The following RPS6KC1 variants were observed in gnomAD, a reference collection of about 807,000 sequenced individuals.
The protein encoded by RPS6KC1 is inactive ribosomal protein S6 kinase delta-1.
Under a neutral mutation model 103.8 loss-of-function variants are expected in RPS6KC1, and 54 were observed. The ratio of observed to expected loss-of-function variants is 0.52; its 90% CI spans 0.42 to 0.65. RPS6KC1 has a LOEUF of 0.65. Among genes scored for constraint, RPS6KC1 ranks in the 30% least tolerant of loss-of-function variants. The pLI is 0.00. For synonymous variants in RPS6KC1, 439 were observed against 438.7 expected (o/e 1.00, Z -0.01); for missense variants, 1,151 against 1,253.8 (o/e 0.92, Z 1.24).
chr1:213,732,224 G>A, the RPS6KC1 span, among the ~76,000 whole-genome samples: 1 of 152,162 alleles, frequency 6.6e-6, no homozygotes, highest in African/African-American at 2.4e-5. Flanking sequence ...TGATGGGGAA[G>A]GAGGAGAGGA....
At chr1:213,093,262 G>A (rs2081153135) in intron 3 of RPS6KC1, among the ~76,000 whole-genome samples, 2 of 150,644 alleles carry the variant, frequency 1.3e-5, no homozygotes, top group Non-Finnish European at 3.0e-5. Context: ...CCAGGCTGGA[G>A]TGCAGTGGCG....
At chr1:213,300,466 G>C in the RPS6KC1 span, among the ~76,000 whole-genome samples, 1 of 152,172 alleles carries the variant, frequency 6.6e-6, no homozygotes, top group Non-Finnish European at 1.5e-5. Flanking sequence ...AATGCAACCT[G>C]CCACACCCTC....
chr1:213,766,982 A>C, the RPS6KC1 span, among the ~76,000 whole-genome samples: 25 of 152,054 alleles, frequency 1.6e-4, no homozygotes, highest in East Asian at 4.6e-3. Flanking sequence ...TCACCTTTTC[A>C]TAGCTCCTCA....
the RPS6KC1 span, among the ~76,000 whole-genome samples, chr1:213,469,634 A>C: frequency 6.6e-6 from 1 of 152,196 alleles, no homozygotes; most frequent in Non-Finnish European, 1.5e-5. Context: ...CCAAGCCCTG[A>C]CATCATGTGA....
At chr1:213,627,761 C>T in the RPS6KC1 span, among the ~76,000 whole-genome samples, 1 of 152,196 alleles carries the variant, frequency 6.6e-6, no homozygotes, top group Non-Finnish European at 1.5e-5. Context: ...CCTTGCATCC[C>T]AGGCATGAAG....
chr1:213,355,038 T>A, the RPS6KC1 span, among the ~76,000 whole-genome samples: 1,242 of 152,138 alleles, frequency 8.2e-3, 12 homozygotes, highest in African/African-American at 0.028. Context: ...GCCAACATGG[T>A]GAAACCCTGC....
chr1:213,659,638 T>G, the RPS6KC1 span, among the ~76,000 whole-genome samples: 5 of 133,678 alleles, frequency 3.7e-5, no homozygotes, highest in Admixed American at 1.4e-4. Flanking sequence ...GTATTCAGGG[T>G]TTTTTTTTTT....
At chr1:213,656,263 C>G in the RPS6KC1 span, among the ~76,000 whole-genome samples, 4 of 152,016 alleles carry the variant, frequency 2.6e-5, no homozygotes, top group Non-Finnish European at 5.9e-5. Context: ...CAGCACCAGG[C>G]GAATAATTTT....
chr1:213,350,133 A>C, the RPS6KC1 span, among the ~76,000 whole-genome samples: 1 of 152,164 alleles, frequency 6.6e-6, no homozygotes, highest in Non-Finnish European at 1.5e-5. Flanking sequence ...TTGATCCTGG[A>C]TTCTGTTCCC....
chr1:213,059,679 AT>A (rs1328915654), intron 1 of RPS6KC1, among the ~76,000 whole-genome samples: 68 of 146,480 alleles, frequency 4.6e-4, no homozygotes, highest in Non-Finnish European at 5.6e-4. Flanking sequence ...ACACCGGCTA[AT>A]TTTTTTTTTT....
At chr1:213,237,434 G>A (rs1573514089) in intron 10 of RPS6KC1, among the ~76,000 whole-genome samples, 1 of 152,146 alleles carries the variant, frequency 6.6e-6, no homozygotes, top group East Asian at 1.9e-4. Context: ...TAAGCACTAT[G>A]TATTTGCAAA....
At chr1:213,797,264 T>G in the RPS6KC1 span, among the ~76,000 whole-genome samples, 1 of 152,246 alleles carries the variant, frequency 6.6e-6, no homozygotes, top group African/African-American at 2.4e-5. Flanking sequence ...AACTGTTTCA[T>G]GTAGATCTAG....
At chr1:213,257,685 A>G (rs1254812048) in intron 12 of RPS6KC1, among the ~76,000 whole-genome samples, 1 of 151,944 alleles carries the variant, frequency 6.6e-6, no homozygotes, top group Non-Finnish European at 1.5e-5. Context: ...ACCTACTGTG[A>G]ACAAAGCAGC....
intron 7 of RPS6KC1, among the ~76,000 whole-genome samples, chr1:213,174,459 C>T (rs1368998355): frequency 6.6e-6 from 1 of 152,068 alleles, no homozygotes; most frequent in Non-Finnish European, 1.5e-5. Context: ...CACCTGAGGT[C>T]AGGAGTTCGA....
chr1:213,773,069 G>T, the RPS6KC1 span, among the ~76,000 whole-genome samples: 9 of 152,156 alleles, frequency 5.9e-5, no homozygotes, highest in Non-Finnish European at 1.2e-4. Context: ...CCTCTGGTGA[G>T]ATCAGCAGGG....
chr1:213,446,772 C>A, the RPS6KC1 span, among the ~76,000 whole-genome samples: 9 of 152,122 alleles, frequency 5.9e-5, no homozygotes, highest in Admixed American at 2.0e-4. Context: ...ATTACTACTG[C>A]TATGATTTTA....
chr1:213,196,932 G>C (rs1003341084), intron 8 of RPS6KC1, among the ~76,000 whole-genome samples: 5 of 152,146 alleles, frequency 3.3e-5, no homozygotes, highest in African/African-American at 4.8e-5. Context: ...CGCCTCCTGG[G>C]TTCAAGCAAT....
chr1:213,093,594 C>G (rs563825322), intron 3 of RPS6KC1, among the ~76,000 whole-genome samples: 1 of 152,016 alleles, frequency 6.6e-6, no homozygotes, highest in Non-Finnish European at 1.5e-5. Context: ...TGCATATGAT[C>G]GAGCTGATGT....
At chr1:213,201,877 A>C (rs2093176390) in intron 8 of RPS6KC1, among the ~76,000 whole-genome samples, 1 of 152,206 alleles carries the variant, frequency 6.6e-6, no homozygotes. Context: ...TAAGAGATAC[A>C]GGAGAAATTT....
Sources: allele counts gnomAD v4.1 joint callset (sites outside exome capture counted in the v4.1 genomes callset), GRCh38; gene constraint gnomAD v4.1.1; transcripts MANE v1.5; gene names NCBI Gene and HGNC (gene_info 2026-07-23, HGNC 2026-07-21).